Variants in NMD3 observed in about 807,000 individuals in gnomAD.
NMD3 encodes 60S ribosomal export protein NMD3.
In NMD3, 47 loss-of-function variants were observed where a neutral mutation model predicts 73.1. The observed-to-expected ratio is 0.64, with a 90% confidence interval of 0.51 to 0.82. NMD3 has a LOEUF of 0.82. NMD3 is among the 40% of genes least tolerant of loss of function. The probability of loss-of-function intolerance (pLI) is 0.00; values close to 1 mark genes in which losing one functional copy is unlikely to be tolerated. For synonymous variants in NMD3, 210 were observed against 194.5 expected, an observed-to-expected ratio of 1.08 and a Z score of -0.66; for missense variants, 554 against 612.5, an observed-to-expected ratio of 0.90 and a Z score of 1.01.
chr3:161,223,639 T>C (rs4352387), intron 2 of NMD3, among the ~76,000 whole-genome samples: 7,443 of 152,284 alleles, frequency 0.049, 476 homozygotes, highest in African/African-American at 0.14. Flanking sequence ...AGTCTTTTAA[T>C]GTAGTGACAC....
chr3:161,249,921 ATAAT>A (rs200034753), intron 14 of NMD3, among the ~76,000 whole-genome samples: 1,815 of 152,336 alleles, frequency 0.012, 23 homozygotes, highest in Middle Eastern at 0.024. Flanking sequence ...TTTATAATAA[ATAAT>A]TACATTATGA....
In NMD3 at chr3:161,221,958, CTTTTTTTTTTTTTTTTTTT is replaced by C. The variant is rs376329329; in HGVS notation, c.-20-24_-20-6del. The C allele has an allele frequency of 3.8e-3, 3,327 of 868,712 alleles. 91 individuals are homozygous for C. The African/African-American group carries it at 0.043, about 11-fold the overall frequency. 53.8% of individuals were successfully genotyped at this position (868,712 alleles called of 1,614,324 possible). On this transcript the variant is annotated splice_polypyrimidine_tract_variant and intron_variant, in intron 1 of 15. Transcript: ENST00000351193. ...AAAGTGATTTAAATCCCAACATTCT[CTTTTTTTTTTTTTTTTTTT>C]TTTTTTTTTTTAAAAGAACTTAAGG...
chr3:161,222,116 A>G, intron 2 of NMD3, 59 bp downstream of exon 2: 2 of 1,395,124 alleles, frequency 1.4e-6, no homozygotes, highest in South Asian at 1.2e-5. Flanking sequence ...GAGCCCGGGA[A>G]ACTCACTATG....
chr3:161,237,892 G>A (rs116205482), intron 7 of NMD3, among the ~76,000 whole-genome samples: 162 of 152,030 alleles, frequency 1.1e-3, no homozygotes, highest in African/African-American at 3.8e-3. Context: ...ATTTTTTCTA[G>A]AATTAGAATT....
intron 13 of NMD3, among the ~76,000 whole-genome samples, chr3:161,249,133 A>T (rs977084264): frequency 6.6e-6 from 1 of 152,366 alleles, no homozygotes; most frequent in Non-Finnish European, 1.5e-5. Flanking sequence ...AGAATGATTT[A>T]TATGAATGGT....
intron 6 of NMD3, 42 bp downstream of exon 6, chr3:161,234,897 T>C: frequency 6.2e-7 from 1 of 1,600,090 alleles, no homozygotes; most frequent in Non-Finnish European, 8.6e-7. Context: ...ATCTTATATT[T>C]CGTCTTTGTT....
chr3:161,245,773 A>G (rs76539991), intron 11 of NMD3, among the ~76,000 whole-genome samples: 4,819 of 151,940 alleles, frequency 0.032, 112 homozygotes, highest in South Asian at 0.13. Context: ...TATATAGCAG[A>G]TGTACTATAT....
At chr3:161,247,408 C>T (rs1737262163) in intron 13 of NMD3, 78 bp downstream of exon 13, 2 of 769,166 alleles carry the variant, frequency 2.6e-6, no homozygotes, top group Non-Finnish European at 2.1e-6. Context: ...GGTAGGAGTT[C>T]ACACTTTTGA....
chr3:161,233,543 A>G (rs1736624501), intron 5 of NMD3, 64 bp downstream of exon 5: 2 of 985,650 alleles, frequency 2.0e-6, no homozygotes, highest in Non-Finnish European at 3.1e-6. Flanking sequence ...AGACCCAGTG[A>G]TAAGTTATTT....
At position 161,250,947 on chromosome 3, in the gene NMD3, G is replaced by A; in HGVS notation, c.*37G>A. ...AGACTGTTTCCATACATGGGCTTAA[G>A]AAGTTGGACAGAGTTACCTTAAGTG... On this transcript the variant is annotated 3_prime_UTR_variant, in exon 16 of 16. Coordinates refer to ENST00000351193, the MANE Select transcript of NMD3 (RefSeq NM_015938.5). 1 of 1,581,646 alleles carries A rather than the reference G, an allele frequency of 6.3e-7. No individual in the cohort carries two copies. The highest frequency in any genetic ancestry group is 1.1e-5 in the South Asian group (1 of 88,184).
At chr3:161,242,678 GTA>G in intron 11 of NMD3, 25 bp downstream of exon 11, 1 of 1,588,872 alleles carries the variant, frequency 6.3e-7, no homozygotes, top group South Asian at 1.2e-5. Flanking sequence ...GCCTGCCAGT[GTA>G]TTTTTTTTTC....
At position 161,234,862 on chromosome 3, in the gene NMD3, A is replaced by G. The variant is rs1402071123; in HGVS notation, c.486+7A>G. ...GATTCAAGTGAGGCAAAAGGTAATG[A>G]GAGAAGATGATGAGTGAGTCCTACA... On this transcript the variant is annotated splice_region_variant and intron_variant, in intron 6 of 15. Transcript: ENST00000351193. 2 of 1,612,806 alleles carry G rather than the reference A, an allele frequency of 1.2e-6. No individual in the cohort carries two copies. Among genetic ancestry groups the G allele is most frequent in the Admixed American group, 3.3e-5 (2 of 59,976 alleles).
rs749259593 is a variant in NMD3 at position 161,238,114 on chromosome 3, T to C, written c.579T>C (p.Asp193=). ...QNTLRIKEIH[D]GLDFYYSSKQ... The stretch of plus-strand genomic sequence containing the variant: ...TAGGGCTTTTTTTTTTTTTTTAAGA[T>C]GGTCTGGATTTTTATTATTCCTCAA... The change falls in exon 8 of 16, where the codon GAT becomes GAC. Residue 193 remains aspartate, a splice_region_variant and synonymous_variant. Transcript: ENST00000351193. The C allele has an allele frequency of 1.3e-4, 199 of 1,564,338 alleles. 2 individuals carry two copies. The South Asian group carries it at 2.2e-3, about 18-fold the overall frequency.
intron 2 of NMD3, among the ~76,000 whole-genome samples, chr3:161,223,758 T>G (rs1424024690): frequency 6.6e-6 from 1 of 152,244 alleles, no homozygotes; most frequent in Non-Finnish European, 1.5e-5. Flanking sequence ...CAAACTGATC[T>G]TACATATTCT....
At chr3:161,239,866 A>C (rs1313860324) in intron 9 of NMD3, among the ~76,000 whole-genome samples, 1 of 152,208 alleles carries the variant, frequency 6.6e-6, no homozygotes, top group Non-Finnish European at 1.5e-5. Flanking sequence ...CATGGGTAAT[A>C]TGTAAAGGAA....
chr3:161,230,864 T>G (rs933872504), intron 4 of NMD3, among the ~76,000 whole-genome samples: 7 of 152,126 alleles, frequency 4.6e-5, no homozygotes, highest in African/African-American at 1.7e-4. Context: ...AGTAGCTATG[T>G]GGGAAGAGCT....
chr3:161,250,740 A>C (rs1260766728), intron 15 of NMD3, 40 bp from the exon 16 acceptor site: 1 of 1,332,824 alleles, frequency 7.5e-7, no homozygotes, highest in South Asian at 1.3e-5. Context: ...TATACATATA[A>C]ATACTTTGTA....
intron 12 of NMD3, 31 bp from the exon 13 acceptor site, chr3:161,247,227 G>C (rs1157409491): frequency 2.1e-6 from 3 of 1,443,564 alleles, no homozygotes; most frequent in Non-Finnish European, 2.9e-6. Context: ...AGGGTAAATG[G>C]TCACTAAGTT....
Position 161,234,473 on chromosome 3 carries a change from G to A in NMD3, c.358-254G>A, listed in dbSNP as rs572171129. 8.2e-3 allele frequency among the ~76,000 whole-genome samples: 1,231 copies of A among 150,042 alleles called. 20 individuals are homozygous for A. The highest frequency in any genetic ancestry group is 0.028 in the African/African-American group (1,164 of 40,874). ...TATATATATATGTAAAATATACACA[G>A]AATATTCTCACAACCACTTCAGCTA... On this transcript the variant is annotated intron_variant, in intron 5 of 15. Transcript: ENST00000351193.
Sources: allele counts gnomAD v4.1 joint callset (sites outside exome capture counted in the v4.1 genomes callset), GRCh38; gene constraint gnomAD v4.1.1; transcripts MANE v1.5; gene names NCBI Gene and HGNC (gene_info 2026-07-23, HGNC 2026-07-21).